RCOR3: variants seen among roughly 807,000 people sequenced by gnomAD.
The protein encoded by RCOR3 is REST corepressor 3.
Under a neutral mutation model 64.1 loss-of-function variants are expected in RCOR3, and 13 were observed. That is an observed-to-expected ratio of 0.20 (90% confidence interval 0.13 to 0.32). RCOR3 has a LOEUF of 0.32. Ranked by LOEUF, RCOR3 falls within the 10% of genes least tolerant of loss-of-function variation. The pLI, the probability that RCOR3 is intolerant of heterozygous loss-of-function variation, is 1.00. For synonymous variants in RCOR3, 215 were observed against 239.0 expected, an observed-to-expected ratio of 0.90 and a Z score of 0.93; for missense variants, 489 against 701.2, an observed-to-expected ratio of 0.70 and a Z score of 3.42.
chr1:211,261,281 A>G (rs545510219), intron 2 of RCOR3: 1 of 152,208 alleles, frequency 6.6e-6, no homozygotes, highest in Non-Finnish European at 1.5e-5. Context: ...CATTAAGACA[A>G]TGCAAAATGA....
At chr1:211,264,299 T>C (rs1010908944) in intron 2 of RCOR3, among the ~76,000 whole-genome samples, 1 of 152,172 alleles carries the variant, frequency 6.6e-6, no homozygotes, top group African/African-American at 2.4e-5. Context: ...AAATCTGCTA[T>C]GTAGAATGTA....
At chr1:211,288,341 A>G (rs1204900505) in intron 7 of RCOR3, among the ~76,000 whole-genome samples, 5 of 150,986 alleles carry the variant, frequency 3.3e-5, no homozygotes, top group African/African-American at 4.8e-5. Context: ...TTATAATGAA[A>G]TAATGCCTAA....
At position 211,314,551 on chromosome 1, in the gene RCOR3, C is replaced by T. The variant is rs1701770350; in HGVS notation, c.*783C>T. Reference sequence around the variant, plus strand: ...GAATAATTTTGCATACAAATGAGGACTTAATTTGTTGAAATATAATCTCTT... The same window carrying T: ...GAATAATTTTGCATACAAATGAGGATTTAATTTGTTGAAATATAATCTCTT... On this transcript the variant is annotated 3_prime_UTR_variant, in exon 12 of 12. Transcript: ENST00000419091. 1 of 152,108 alleles carries T rather than the reference C, an allele frequency of 6.6e-6. No homozygotes were observed. The highest frequency in any genetic ancestry group is 2.4e-5 in the African/African-American group (1 of 41,420). The allele number at this position is 152,108 out of a possible 1,614,324, so 9.4% of individuals were successfully genotyped here.
At chr1:211,270,676 T>G (rs547576781) in intron 2 of RCOR3, among the ~76,000 whole-genome samples, 1 of 152,276 alleles carries the variant, frequency 6.6e-6, no homozygotes, top group South Asian at 2.1e-4. Flanking sequence ...ATATGTAATG[T>G]ACTGAAGAAA....
intron 7 of RCOR3, 148 bp from the exon 8 acceptor site, chr1:211,289,030 G>A: frequency 1.6e-6 from 1 of 626,226 alleles, no homozygotes. Flanking sequence ...GTGTGTGTGT[G>A]TATGGACTTG....
At chr1:211,308,705 G>A (rs1369465005) in intron 10 of RCOR3, among the ~76,000 whole-genome samples, 1 of 20,470 alleles carries the variant, frequency 4.9e-5, no homozygotes, top group Non-Finnish European at 9.9e-5. Context: ...TTTTTGTGTA[G>A]TCCAAAATCA....
intron 2 of RCOR3, among the ~76,000 whole-genome samples, chr1:211,264,047 T>C (rs1441979280): frequency 6.6e-6 from 1 of 152,226 alleles, no homozygotes; most frequent in East Asian, 1.9e-4. Flanking sequence ...AGTCTTGAAC[T>C]CCTGGTCTCA....
At chr1:211,298,695 G>A (rs897795585) in intron 9 of RCOR3, among the ~76,000 whole-genome samples, 1 of 152,092 alleles carries the variant, frequency 6.6e-6, no homozygotes, top group African/African-American at 2.4e-5. Context: ...CAGGGTCAGA[G>A]TATAAAGTCC....
intron 10 of RCOR3, among the ~76,000 whole-genome samples, 172 bp downstream of exon 10, chr1:211,304,312 CA>C (rs1423701806): frequency 6.6e-6 from 1 of 152,116 alleles, no homozygotes; most frequent in East Asian, 1.9e-4. Flanking sequence ...GTGACATACT[CA>C]AGTCTATGTG....
At chr1:211,290,848 A>G (rs967320990) in intron 8 of RCOR3, among the ~76,000 whole-genome samples, 1 of 152,216 alleles carries the variant, frequency 6.6e-6, no homozygotes, top group African/African-American at 2.4e-5. Flanking sequence ...TAAGAAAATC[A>G]TGTTAAGAAA....
rs60789444 is a variant in RCOR3, at chr1:211,286,549, C to T, written c.721-2629C>T. 6.1e-3 allele frequency among the ~76,000 whole-genome samples: 928 copies of T among 152,144 alleles called. 9 individuals are homozygous for T. The highest frequency in any genetic ancestry group is 0.021 in the African/African-American group (853 of 41,496). On this transcript the variant is annotated intron_variant, in intron 7 of 11. Transcript: ENST00000419091. ...GTCTCGATCTCCTGACCTCGTGATC[C>T]GCCCCCCTCGGCCTCCCAAAATGCT... is the stretch of plus-strand genomic sequence containing the variant.
chr1:211,309,531 T>C (rs1456651094), intron 10 of RCOR3, among the ~76,000 whole-genome samples: 2 of 152,218 alleles, frequency 1.3e-5, no homozygotes, highest in African/African-American at 4.8e-5. Context: ...GAAATTTGAC[T>C]GAAAACAATT....
chr1:211,298,674 A>C (rs902722261), intron 9 of RCOR3, among the ~76,000 whole-genome samples: 1 of 152,138 alleles, frequency 6.6e-6, no homozygotes, highest in Admixed American at 6.5e-5. Context: ...TTTGTGATAG[A>C]CATCAGTGGG....
At position 211,259,447 on chromosome 1, in the gene RCOR3, C is replaced by A; in HGVS notation, c.-114C>A. On this transcript the variant is annotated 5_prime_UTR_variant, in exon 1 of 12. Transcript: ENST00000419091. ...TTAACAGCCTCCTCCTCCTCCGCCG[C>A]CGCCGCCGTCTCCTCCTCCTCCTCC... 1 of 1,096,328 alleles carries A rather than the reference C, an allele frequency of 9.1e-7. No individual in the cohort carries two copies. Among genetic ancestry groups the A allele is most frequent in the Non-Finnish European group, 1.3e-6 (1 of 782,842 alleles). The allele number at this position is 1,096,328 out of a possible 1,614,324, so 67.9% of individuals were successfully genotyped here.
At chr1:211,288,592 A>G (rs952983982) in intron 7 of RCOR3, among the ~76,000 whole-genome samples, 1 of 147,250 alleles carries the variant, frequency 6.8e-6, no homozygotes, top group African/African-American at 2.5e-5. Flanking sequence ...TTTATTTATT[A>G]TATTTATTAT....
At chr1:211,278,096 A>G (rs751854061) in intron 5 of RCOR3, 21 bp from the exon 6 acceptor site, 5 of 1,576,740 alleles carry the variant, frequency 3.2e-6, no homozygotes, top group Non-Finnish European at 4.3e-6. Flanking sequence ...ACTTGCTGAT[A>G]TTAACATGAT....
intron 2 of RCOR3, among the ~76,000 whole-genome samples, chr1:211,263,141 C>G (rs145377431): frequency 1.3e-5 from 2 of 149,938 alleles, no homozygotes; most frequent in Admixed American, 6.7e-5. Context: ...TTTGTCCTTG[C>G]GATAGTTTAC....
intron 8 of RCOR3, among the ~76,000 whole-genome samples, chr1:211,289,991 G>A (rs1699045348): frequency 6.6e-6 from 1 of 152,160 alleles, no homozygotes. Flanking sequence ...TAATAGTATA[G>A]TGGTTGAGAG....
At position 211,259,552 on chromosome 1, in the gene RCOR3, T is replaced by A; in HGVS notation, c.-9T>A. On this transcript the variant is annotated 5_prime_UTR_variant, in exon 1 of 12. Coordinates refer to ENST00000419091, the MANE Select transcript of RCOR3 (RefSeq NM_001136223.3). ...CTTCCCCTCACCTTTCCCCCTCCCC[T>A]GTTCTACCATGCCCGGCATGATGGA... The A allele has an allele frequency of 6.5e-7, 1 of 1,540,888 alleles. No homozygotes were observed. The highest frequency in any genetic ancestry group is 1.2e-5 in the South Asian group (1 of 83,790).
Sources: allele counts gnomAD v4.1 joint callset (sites outside exome capture counted in the v4.1 genomes callset), GRCh38; gene constraint gnomAD v4.1.1; transcripts MANE v1.5; gene names NCBI Gene and HGNC (gene_info 2026-07-23, HGNC 2026-07-21).